Variants in TBC1D19 observed in about 807,000 individuals in gnomAD.
TBC1D19 encodes the protein TBC1 domain family, member 19.
A neutral mutation model predicts 89.0 loss-of-function variants in TBC1D19; 60 were observed. That is an observed-to-expected ratio of 0.67 (90% confidence interval 0.55 to 0.84). TBC1D19 has a LOEUF of 0.84. Ranked by LOEUF, TBC1D19 falls within the 40% of genes least tolerant of loss-of-function variation. The pLI is 0.00. For missense variants in TBC1D19, 500 were observed against 610.8 expected (o/e 0.82, Z 1.91); for synonymous variants, 189 against 199.7 (o/e 0.95, Z 0.45).
intron 1 of TBC1D19, among the ~76,000 whole-genome samples, chr4:26,587,953 A>C (rs1365481642): frequency 6.7e-6 from 1 of 149,338 alleles, no homozygotes; most frequent in African/African-American, 2.5e-5. Flanking sequence ...TGATCCCCTT[A>C]TATTCCTTTT....
intron 8 of TBC1D19, among the ~76,000 whole-genome samples, chr4:26,662,141 G>A (rs1745257975): frequency 1.3e-5 from 2 of 152,088 alleles, no homozygotes; most frequent in African/African-American, 4.8e-5. Flanking sequence ...CACTTTTAGG[G>A]CAATAGTGAT....
the TBC1D19 span, among the ~76,000 whole-genome samples, chr4:26,837,846 A>G: frequency 1.3e-5 from 2 of 152,148 alleles, no homozygotes; most frequent in African/African-American, 2.4e-5. Flanking sequence ...GATGGTAAGT[A>G]TTGATAGCAG....
At chr4:26,825,372 C>T in the TBC1D19 span, among the ~76,000 whole-genome samples, 1 of 152,224 alleles carries the variant, frequency 6.6e-6, no homozygotes, top group African/African-American at 2.4e-5. Flanking sequence ...GCTGGGATTA[C>T]AGGCATGAGC....
the TBC1D19 span, among the ~76,000 whole-genome samples, chr4:26,800,466 A>G: frequency 6.6e-6 from 1 of 152,176 alleles, no homozygotes. Flanking sequence ...CAATAAACAT[A>G]CGTGTGCATG....
chr4:26,651,940 C>G (rs1744419877), intron 7 of TBC1D19, among the ~76,000 whole-genome samples: 1 of 152,056 alleles, frequency 6.6e-6, no homozygotes, highest in South Asian at 2.1e-4. Flanking sequence ...TGAATTTTGT[C>G]CAACGCCTTT....
chr4:26,619,706 A>G (rs142444855), intron 3 of TBC1D19, among the ~76,000 whole-genome samples: 95 of 152,314 alleles, frequency 6.2e-4, no homozygotes, highest in African/African-American at 2.2e-3. Context: ...TAGAAAAATA[A>G]TTTGCCAGAA....
intron 1 of TBC1D19, among the ~76,000 whole-genome samples, chr4:26,588,631 T>A (rs1192453409): frequency 6.6e-6 from 1 of 152,108 alleles, no homozygotes; most frequent in Non-Finnish European, 1.5e-5. Flanking sequence ...AATTAAAATT[T>A]AAAAAAATTC....
In TBC1D19 at chr4:26,584,424, GACAAAAACAAAA is replaced by G. The variant is rs10535440; in HGVS notation, c.99+157_99+168del. 3.8e-3 allele frequency: 2,661 copies of G among 705,474 alleles called. 41 individuals carry two copies. The African/African-American group carries it at 0.041, about 11-fold the overall frequency. The allele number at this position is 705,474 out of a possible 1,614,324, so 43.7% of individuals were successfully genotyped here. On this transcript the variant is annotated intron_variant, in intron 1 of 20. Coordinates refer to ENST00000264866, the MANE Select transcript of TBC1D19 (RefSeq NM_018317.4). ...CGCTCTGGTGCTCAAAAAACAAACAGACAAAAACAAAAACAAAAACAAAAACAAAAACAAAAC... is the reference window on the plus strand; with the variant it reads ...CGCTCTGGTGCTCAAAAAACAAACAGACAAAAACAAAAACAAAAACAAAAC...
chr4:26,646,937 G>A (rs1448732119), intron 7 of TBC1D19, among the ~76,000 whole-genome samples: 1 of 152,056 alleles, frequency 6.6e-6, no homozygotes, highest in Non-Finnish European at 1.5e-5. Flanking sequence ...TTTAAAAAAA[G>A]TAAAATAATG....
chr4:26,664,170 G>C (rs1412660991), intron 8 of TBC1D19, among the ~76,000 whole-genome samples: 1 of 152,150 alleles, frequency 6.6e-6, no homozygotes, highest in Non-Finnish European at 1.5e-5. Context: ...TGATGTGATT[G>C]TGTGCTTGGG....
chr4:26,643,611 C>G (rs569698745), intron 7 of TBC1D19, among the ~76,000 whole-genome samples: 1 of 152,074 alleles, frequency 6.6e-6, no homozygotes, highest in African/African-American at 2.4e-5. Flanking sequence ...ACACAAAAAA[C>G]CCTTCAAAAA....
At position 26,717,963 on chromosome 4, in the gene TBC1D19, G is replaced by A. The variant is rs1180357844; in HGVS notation, c.985G>A (p.Val329Met). ...ACTTTGTTTTTCCCGGGATACATCT[G>A]TGTTGAGTCACTTTGCATTCAACAG... ...VLLCFSRDTS[V>M]LSHFAFNSAS... is the part of the protein sequence containing the mutation. Residue 329 changes from valine to methionine, a missense_variant, in exon 14 of 21, where the codon GTG (valine) becomes ATG (methionine). By Grantham distance (21) the Val-to-Met change is conservative (BLOSUM62 1). Transcript: ENST00000264866. The A allele has an allele frequency of 1.2e-6, 2 of 1,612,010 alleles. No individual in the cohort carries two copies. Among genetic ancestry groups the A allele is most frequent in the Non-Finnish European group, 1.7e-6 (2 of 1,178,908 alleles).
chr4:26,680,105 G>A (rs1577923294), intron 11 of TBC1D19, among the ~76,000 whole-genome samples: 1 of 152,050 alleles, frequency 6.6e-6, no homozygotes, highest in Non-Finnish European at 1.5e-5. Context: ...CTCCCCTGTG[G>A]CCCTGTGAAG....
Position 26,720,141 on chromosome 4 carries a change from T to C in TBC1D19, c.1084+16T>C. ...CCACCAAATGGTAAGAGTAATGCTA[T>C]TGCTTCCTCTAGTGGGAAGTGAAAA... On this transcript the variant is annotated intron_variant, in intron 15 of 20. Transcript: ENST00000264866. 6.3e-7 allele frequency: 1 copy of C among 1,575,522 alleles called. No individual in the cohort carries two copies. The highest frequency in any genetic ancestry group is 8.6e-7 in the Non-Finnish European group (1 of 1,161,054).
intron 13 of TBC1D19, among the ~76,000 whole-genome samples, chr4:26,697,072 G>C (rs936225136): frequency 2.0e-5 from 3 of 152,038 alleles, no homozygotes; most frequent in African/African-American, 7.3e-5. Flanking sequence ...TCCAGGAGCT[G>C]GTTTTTTGAA....
rs1052383343 is a variant in TBC1D19 at position 26,687,816 on chromosome 4, C to T, written c.892-529C>T. Among the ~76,000 whole-genome samples, 9 of 152,204 alleles carry T rather than the reference C, an allele frequency of 5.9e-5. No individual in the cohort carries two copies. The East Asian group carries it at 1.7e-3, about 29-fold the overall frequency. On this transcript the variant is annotated intron_variant, in intron 12 of 20. Coordinates refer to ENST00000264866, the MANE Select transcript of TBC1D19 (RefSeq NM_018317.4). ...ATAGGAATATATTTAAAGAAGGAAACTAATATGCTATCCAGGGGAAGTCAG... is the reference window on the plus strand; with the variant it reads ...ATAGGAATATATTTAAAGAAGGAAATTAATATGCTATCCAGGGGAAGTCAG...
chr4:26,701,034 A>G (rs552828971), intron 13 of TBC1D19, among the ~76,000 whole-genome samples: 1 of 152,298 alleles, frequency 6.6e-6, no homozygotes, highest in Middle Eastern at 3.4e-3. Context: ...ACACTCTGGC[A>G]TTCTATATTC....
At chr4:26,658,707 C>T (rs1577892021) in intron 7 of TBC1D19, among the ~76,000 whole-genome samples, 1 of 152,206 alleles carries the variant, frequency 6.6e-6, no homozygotes, top group South Asian at 2.1e-4. Context: ...TTGATTCTTC[C>T]CATCCATGAG....
chr4:26,720,138 C>T lies in TBC1D19; in HGVS notation c.1084+13C>T, dbSNP rs751645913. The stretch of plus-strand genomic sequence containing the variant: ...TACCCACCAAATGGTAAGAGTAATG[C>T]TATTGCTTCCTCTAGTGGGAAGTGA... On this transcript the variant is annotated intron_variant, in intron 15 of 20. Transcript: ENST00000264866. The T allele has an allele frequency of 5.1e-6, 8 of 1,578,896 alleles. No homozygotes were observed. The Admixed American group carries it at 1.3e-4, about 25-fold the overall frequency.
Sources: gnomAD v4.1 joint callset for allele counts (sites outside exome capture counted in the v4.1 genomes callset) on GRCh38, gnomAD v4.1.1 for gene constraint, MANE v1.5 for transcripts, NCBI Gene and HGNC (gene_info 2026-07-23, HGNC 2026-07-21) for gene names.